CDH4: variants seen among roughly 807,000 people sequenced by gnomAD.
CDH4 encodes cadherin-4.
CDH4 carries 33 observed loss-of-function variants against 86.0 expected under a neutral mutation model. The observed-to-expected ratio is 0.38, with a 90% confidence interval of 0.29 to 0.51. CDH4 has a LOEUF of 0.51. Ranked by LOEUF, CDH4 falls within the 20% of genes least tolerant of loss-of-function variation. The pLI is 0.86. For missense variants in CDH4, 1,114 were observed against 1,307.4 expected, an observed-to-expected ratio of 0.85 and a Z score of 2.28; for synonymous variants, 555 against 549.4, an observed-to-expected ratio of 1.01 and a Z score of -0.14.
intron 7 of CDH4, among the ~76,000 whole-genome samples, chr20:61,894,351 A>T (rs1474461939): frequency 1.3e-5 from 2 of 152,202 alleles, no homozygotes; most frequent in African/African-American, 4.8e-5. Context: ...CTGCGCCTGC[A>T]CGGTAAACTG....
intron 2 of CDH4, among the ~76,000 whole-genome samples, chr20:61,383,596 G>GTATGC (rs1555844264): frequency 9.8e-5 from 1 of 10,244 alleles, no homozygotes; most frequent in African/African-American, 2.9e-3. Context: ...ATGAATATAT[G>GTATGC]ATATATATGA....
intron 7 of CDH4, among the ~76,000 whole-genome samples, chr20:61,889,202 A>G (rs1984675196): frequency 6.6e-6 from 1 of 152,096 alleles, no homozygotes; most frequent in African/African-American, 2.4e-5. Flanking sequence ...CACCTCCCTC[A>G]GTTTCCTTAT....
At chr20:61,571,853 T>C (rs1374695649) in intron 2 of CDH4, among the ~76,000 whole-genome samples, 4 of 143,474 alleles carry the variant, frequency 2.8e-5, no homozygotes, top group East Asian at 4.6e-4. Flanking sequence ...CACCACACCA[T>C]GCAATATCAC....
At chr20:61,874,344 G>A (rs1983930036) in intron 7 of CDH4, among the ~76,000 whole-genome samples, 1 of 152,164 alleles carries the variant, frequency 6.6e-6, no homozygotes, top group Non-Finnish European at 1.5e-5. Flanking sequence ...GACGAAGGGG[G>A]CATGGAGAAG....
In CDH4 at chr20:61,525,851, G is replaced by A. The variant is rs184573481; in HGVS notation, c.170-217712G>A. ...TCTCCCAGCTGCTGTGGCCGGGCCG[G>A]GCACCGTAAGTCCTGCTCATAGCCC... On this transcript the variant is annotated intron_variant, in intron 2 of 15. Transcript: ENST00000614565. Among the ~76,000 whole-genome samples the A allele has an allele frequency of 7.2e-4, 110 of 152,186 alleles. 1 individual carries two copies. The East Asian group carries it at 0.014, about 19-fold the overall frequency.
chr20:61,253,823 G>A (rs2084080692), intron 1 of CDH4, among the ~76,000 whole-genome samples: 1 of 152,066 alleles, frequency 6.6e-6, no homozygotes, highest in Non-Finnish European at 1.5e-5. Context: ...GGCGGGCGAC[G>A]GCAGCGCGCG....
intron 2 of CDH4, chr20:61,599,697 C>A (rs1453676037): frequency 4.0e-6 from 2 of 502,900 alleles, no homozygotes; most frequent in Non-Finnish European, 5.1e-6. Flanking sequence ...GTGGTCTCTG[C>A]GTCTGGGCTC....
chr20:61,650,262 C>T (rs962109617), intron 2 of CDH4, among the ~76,000 whole-genome samples: 1 of 152,188 alleles, frequency 6.6e-6, no homozygotes, highest in Non-Finnish European at 1.5e-5. Context: ...CTCTGGTCAC[C>T]GCTGACCTCG....
At chr20:61,737,707 C>T (rs1600931389) in intron 2 of CDH4, among the ~76,000 whole-genome samples, 1 of 152,210 alleles carries the variant, frequency 6.6e-6, no homozygotes, top group African/African-American at 2.4e-5. Context: ...GCATACTGGC[C>T]AGAGCATAAG....
At chr20:61,493,078 CT>C (rs1399018943) in intron 2 of CDH4, among the ~76,000 whole-genome samples, 1 of 152,210 alleles carries the variant, frequency 6.6e-6, no homozygotes, top group African/African-American at 2.4e-5. Flanking sequence ...GTAAATTAGA[CT>C]CTAATAAAGT....
intron 5 of CDH4, among the ~76,000 whole-genome samples, chr20:61,845,348 T>C (rs1239826612): frequency 1.3e-5 from 2 of 152,254 alleles, no homozygotes; most frequent in African/African-American, 4.8e-5. Context: ...GCCGCGCTGA[T>C]TCCCTGTCAG....
intron 4 of CDH4, among the ~76,000 whole-genome samples, chr20:61,799,783 A>G (rs1979735319): frequency 6.6e-6 from 1 of 152,138 alleles, no homozygotes; most frequent in African/African-American, 2.4e-5. Flanking sequence ...TCACAGCGGT[A>G]ACAGATTTCC....
intron 2 of CDH4, among the ~76,000 whole-genome samples, chr20:61,487,188 G>T (rs576232511): frequency 6.6e-6 from 1 of 152,182 alleles, no homozygotes; most frequent in African/African-American, 2.4e-5. Flanking sequence ...AGCACCATTT[G>T]TGAAAAAGAT....
chr20:61,874,611 A>G (rs1034762230), intron 7 of CDH4, among the ~76,000 whole-genome samples: 2 of 152,138 alleles, frequency 1.3e-5, no homozygotes, highest in Non-Finnish European at 2.9e-5. Context: ...CATCTCCAGC[A>G]CTGGGCTGTG....
Position 61,516,432 on chromosome 20 carries a change from G to A in CDH4, c.170-227131G>A, listed in dbSNP as rs1025680775. Among the ~76,000 whole-genome samples the A allele has an allele frequency of 2.0e-5, 3 of 152,114 alleles. No homozygotes were observed. Among genetic ancestry groups the A allele is most frequent in the African/African-American group, 7.2e-5 (3 of 41,430 alleles). On this transcript the variant is annotated intron_variant, in intron 2 of 15. Transcript: ENST00000614565. The surrounding 1 kb of genome is among the most constrained non-coding windows in gnomAD (Gnocchi z 4.0). ...CATCACCTCCGACTCCTCATCACCA[G>A]ATGCCGCTGCGGCTTCCATTTTACA...
chr20:61,825,189 G>T, intron 4 of CDH4, among the ~76,000 whole-genome samples: 1 of 152,150 alleles, frequency 6.6e-6, no homozygotes, highest in East Asian at 1.9e-4. Flanking sequence ...GGGTGGATCA[G>T]TTGAGGCCAG....
chr20:61,747,972 T>C (rs1191819847), intron 3 of CDH4, among the ~76,000 whole-genome samples: 1 of 151,738 alleles, frequency 6.6e-6, no homozygotes, highest in African/African-American at 2.4e-5. Context: ...GGATGCTTTA[T>C]AGTAAAATAG....
rs191953795 is a variant in CDH4 at position 61,798,274 on chromosome 20, G to T, written c.576+25092G>T. ...AGCACGCAGCAACAGAGGGGAGGGG[G>T]TGTGGTCCCGCCTCGCACGCATCCC... On this transcript the variant is annotated intron_variant, in intron 4 of 15. Coordinates refer to ENST00000614565, the MANE Select transcript of CDH4 (RefSeq NM_001794.5). Among the ~76,000 whole-genome samples, 283 of 152,288 alleles carry T rather than the reference G, an allele frequency of 1.9e-3. 1 individual carries two copies. Among genetic ancestry groups the T allele is most frequent in the Admixed American group, 0.016 (249 of 15,306 alleles).
intron 4 of CDH4, among the ~76,000 whole-genome samples, chr20:61,791,959 G>C (rs1046466966): frequency 3.9e-5 from 6 of 152,166 alleles, no homozygotes; most frequent in African/African-American, 2.4e-5. Context: ...AGGAGGTTGG[G>C]TGTAGCTCCA....
Sources: gnomAD v4.1 joint callset for allele counts (sites outside exome capture counted in the v4.1 genomes callset) on GRCh38, gnomAD v4.1.1 for gene constraint, Gnocchi (gnomAD v3.1) non-coding constraint, MANE v1.5 for transcripts, NCBI Gene and HGNC (gene_info 2026-07-23, HGNC 2026-07-21) for gene names.